The following NRG3 variants were observed in gnomAD, a reference collection of about 807,000 sequenced individuals.
NRG3 encodes neuregulin 3, also known as pro-neuregulin-3, membrane-bound isoform.
NRG3 carries 31 observed loss-of-function variants against 66.9 expected under a neutral mutation model. That is an observed-to-expected ratio of 0.46 (90% confidence interval 0.35 to 0.63). The LOEUF is 0.63. NRG3 is among the 20% of genes least tolerant of loss of function. NRG3 has a pLI of 0.00. For synonymous variants in NRG3, 393 were observed against 359.4 expected (o/e 1.09, Z -1.06); for missense variants, 910 against 878.9 (o/e 1.04, Z -0.45).
At chr10:82,813,012 A>G (rs2061554381) in intron 3 of NRG3, among the ~76,000 whole-genome samples, 2 of 152,194 alleles carry the variant, frequency 1.3e-5, no homozygotes, top group Non-Finnish European at 2.9e-5. Flanking sequence ...TAATAGCAAC[A>G]GAAAGACATT....
chr10:82,019,008 T>C (rs1257308556), intron 1 of NRG3, among the ~76,000 whole-genome samples: 1 of 152,210 alleles, frequency 6.6e-6, no homozygotes, highest in Non-Finnish European at 1.5e-5. Flanking sequence ...ATCCCTGTCT[T>C]GTGCCAGTTT....
chr10:82,949,162 T>C (rs2132337423), intron 4 of NRG3, among the ~76,000 whole-genome samples: 1 of 152,302 alleles, frequency 6.6e-6, no homozygotes, highest in South Asian at 2.1e-4. Context: ...TGCTTAGATG[T>C]AAAAATGGTG....
intron 1 of NRG3, among the ~76,000 whole-genome samples, chr10:82,080,610 C>G (rs545211015): frequency 6.6e-6 from 1 of 152,158 alleles, no homozygotes; most frequent in African/African-American, 2.4e-5. Context: ...AAGTGAGTAA[C>G]TAAGTTTCAA....
At chr10:82,442,872 C>G (rs1201832459) in intron 2 of NRG3, among the ~76,000 whole-genome samples, 1 of 128,564 alleles carries the variant, frequency 7.8e-6, no homozygotes, top group East Asian at 2.5e-4. Context: ...GAAGTGACTT[C>G]TAACAGGCCT....
At chr10:81,876,764 G>A (rs1841701065) in intron 1 of NRG3, among the ~76,000 whole-genome samples, 1 of 152,150 alleles carries the variant, frequency 6.6e-6, no homozygotes, top group Admixed American at 6.5e-5. Context: ...GAGACTTGGG[G>A]AAAGGAGGCG....
At chr10:81,941,957 A>C (rs1848440516) in intron 1 of NRG3, among the ~76,000 whole-genome samples, 1 of 152,136 alleles carries the variant, frequency 6.6e-6, no homozygotes. Context: ...TGCTGCTTTT[A>C]TCTCTCCTCC....
intron 1 of NRG3, among the ~76,000 whole-genome samples, chr10:81,954,587 T>C (rs1046684358): frequency 9.2e-5 from 14 of 152,090 alleles, no homozygotes; most frequent in African/African-American, 3.4e-4. Flanking sequence ...TCCAGCTATG[T>C]CTTAGGGAAT....
chr10:82,170,665 T>C (rs1195060413), intron 1 of NRG3, among the ~76,000 whole-genome samples: 5 of 98,394 alleles, frequency 5.1e-5, no homozygotes, highest in Non-Finnish European at 7.4e-5. Context: ...TATATATATA[T>C]ATATATATAT....
chr10:81,926,107 C>CTTTATTTATTTA (rs534764745), intron 1 of NRG3, among the ~76,000 whole-genome samples: 3 of 151,818 alleles, frequency 2.0e-5, no homozygotes, highest in African/African-American at 7.3e-5. Flanking sequence ...CATATTGCTA[C>CTTTATTTATTTA]TTTATTTATT....
chr10:82,382,801 T>C (rs1464201539), intron 2 of NRG3, among the ~76,000 whole-genome samples: 1 of 151,980 alleles, frequency 6.6e-6, no homozygotes, highest in Non-Finnish European at 1.5e-5. Context: ...GTCCTTTTTA[T>C]CAAAACCCAT....
intron 3 of NRG3, among the ~76,000 whole-genome samples, chr10:82,763,525 C>G (rs903869367): frequency 6.6e-6 from 1 of 152,002 alleles, no homozygotes; most frequent in Admixed American, 6.5e-5. Flanking sequence ...ATTTAAAAAA[C>G]TATTTTGGAT....
intron 1 of NRG3, among the ~76,000 whole-genome samples, chr10:82,073,589 G>T (rs927920538): frequency 6.6e-6 from 1 of 152,020 alleles, no homozygotes; most frequent in African/African-American, 2.4e-5. Context: ...ATCATATAGG[G>T]AATGTCTACC....
intron 1 of NRG3, among the ~76,000 whole-genome samples, chr10:81,949,111 T>G (rs1042812486): frequency 2.0e-5 from 3 of 152,046 alleles, no homozygotes; most frequent in Non-Finnish European, 4.4e-5. Context: ...TGGGGCTCCA[T>G]CACATTGACA....
intron 1 of NRG3, among the ~76,000 whole-genome samples, chr10:82,305,576 T>G (rs184829262): frequency 1.3e-5 from 2 of 152,288 alleles, no homozygotes; most frequent in African/African-American, 4.8e-5. Context: ...TTTCAATTAA[T>G]AGCTTTTTAA....
rs1205317625 is a variant in NRG3 at position 82,132,447 on chromosome 10, TTA to T, written c.824-226282_824-226281del. Among the ~76,000 whole-genome samples the T allele has an allele frequency of 1.3e-3, 57 of 43,108 alleles. 9 individuals carry two copies. The highest frequency in any genetic ancestry group is 2.4e-3 in the African/African-American group (43 of 17,864). 28.3% of individuals were successfully genotyped at this position (43,108 alleles called of 152,430 possible). A position where few individuals can be genotyped will look rare whatever the true frequency, so the allele number is the denominator to read the frequency against. The stretch of plus-strand genomic sequence containing the variant: ...ATTGAATGCAGTTTGCTAATATCTT[TTA>T]TATATATATGATATATATGATATAT... On this transcript the variant is annotated intron_variant, in intron 1 of 8. Transcript: ENST00000372141.
intron 2 of NRG3, among the ~76,000 whole-genome samples, chr10:82,429,977 T>G (rs1169063664): frequency 6.6e-6 from 1 of 152,180 alleles, no homozygotes; most frequent in Non-Finnish European, 1.5e-5. Flanking sequence ...TAGTACTTTT[T>G]TTGTTGTTGT....
intron 4 of NRG3, among the ~76,000 whole-genome samples, chr10:82,892,299 C>T (rs900798552): frequency 7.3e-5 from 11 of 151,610 alleles, no homozygotes; most frequent in African/African-American, 2.2e-4. Context: ...AAAAGGCAAG[C>T]GAGAAATGAA....
At chr10:82,040,994 G>T (rs1171304586) in intron 1 of NRG3, among the ~76,000 whole-genome samples, 1 of 152,048 alleles carries the variant, frequency 6.6e-6, no homozygotes, top group Non-Finnish European at 1.5e-5. Context: ...GAGTTAACAG[G>T]TAAAACATTG....
intron 2 of NRG3, among the ~76,000 whole-genome samples, chr10:82,617,330 A>G (rs2048732709): frequency 6.7e-6 from 1 of 150,348 alleles, no homozygotes; most frequent in African/African-American, 2.5e-5. Flanking sequence ...ATAGACACAC[A>G]CACACACAGA....
Sources: allele counts gnomAD v4.1 joint callset (sites outside exome capture counted in the v4.1 genomes callset), GRCh38; gene constraint gnomAD v4.1.1; transcripts MANE v1.5; gene names NCBI Gene and HGNC (gene_info 2026-07-23, HGNC 2026-07-21).